Variants in RNLS observed in about 807,000 individuals in gnomAD.
RNLS encodes the protein renalase, FAD dependent amine oxidase.
RNLS carries 39 observed loss-of-function variants against 39.8 expected under a neutral mutation model. The ratio of observed to expected loss-of-function variants is 0.98; its 90% CI spans 0.76 to 1.28. The LOEUF is 1.28. RNLS is among the 50% of genes most tolerant of loss of function. The pLI, the probability that RNLS is intolerant of heterozygous loss-of-function variation, is 0.00. For synonymous variants in RNLS, 147 were observed against 150.7 expected (o/e 0.98, Z 0.18); for missense variants, 410 against 413.3 (o/e 0.99, Z 0.07).
chr10:88,246,766 A>G, the RNLS span, among the ~76,000 whole-genome samples: 1 of 152,140 alleles, frequency 6.6e-6, no homozygotes, highest in African/African-American at 2.4e-5. Flanking sequence ...AAATCAACGC[A>G]TTGGATAATT....
chr10:88,272,324 CTTTTTTCTGTTA>C (rs533372040), downstream of RNLS, among the ~76,000 whole-genome samples: 283 of 152,158 alleles, frequency 1.9e-3, 1 homozygote, highest in Middle Eastern at 3.4e-3. Flanking sequence ...TTTTCCTGTT[CTTTTTTCTGTTA>C]TTTTAATTTT....
intron 2 of RNLS, 36 bp from the exon 3 acceptor site, chr10:88,581,745 T>C: frequency 1.4e-6 from 2 of 1,397,310 alleles, no homozygotes; most frequent in Middle Eastern, 3.7e-4. Flanking sequence ...AATGTAATTA[T>C]ATACCATGAA....
chr10:88,456,310 T>TTA (rs1842624363), intron 4 of RNLS, among the ~76,000 whole-genome samples: 1 of 151,220 alleles, frequency 6.6e-6, no homozygotes, highest in Non-Finnish European at 1.5e-5. Flanking sequence ...TTCCTTAATT[T>TTA]TATATATATG....
At chr10:88,216,439 G>C in the RNLS span, among the ~76,000 whole-genome samples, 1 of 152,140 alleles carries the variant, frequency 6.6e-6, no homozygotes, top group African/African-American at 2.4e-5. Flanking sequence ...TCTAGAAGGT[G>C]CTCCTTTTAA....
intron 4 of RNLS, among the ~76,000 whole-genome samples, chr10:88,372,869 G>A (rs546568075): frequency 2.0e-5 from 3 of 152,214 alleles, no homozygotes; most frequent in East Asian, 3.9e-4. Context: ...AATATGGTTG[G>A]AAAATGCTTT....
At chr10:88,468,976 A>G (rs190656642) in intron 4 of RNLS, among the ~76,000 whole-genome samples, 83 of 152,318 alleles carry the variant, frequency 5.4e-4, no homozygotes, top group Non-Finnish European at 1.6e-4. Context: ...ATACAGTTCT[A>G]AAAGCTCATG....
At chr10:88,448,800 C>A (rs1387345098) in intron 4 of RNLS, among the ~76,000 whole-genome samples, 8 of 152,202 alleles carry the variant, frequency 5.3e-5, no homozygotes, top group South Asian at 2.1e-4. Context: ...CACATATACA[C>A]CATGCAATTC....
chr10:88,579,554 C>A (rs536347211), intron 3 of RNLS, among the ~76,000 whole-genome samples: 94 of 152,276 alleles, frequency 6.2e-4, no homozygotes, highest in Non-Finnish European at 1.1e-3. Context: ...TTTGGGATAT[C>A]ATTTTCTAAG....
chr10:88,172,887 C>T, the RNLS span, among the ~76,000 whole-genome samples: 781 of 66,032 alleles, frequency 0.012, 9 homozygotes, highest in African/African-American at 0.041. Flanking sequence ...GATGGAGTCT[C>T]GCTCTGTCGC....
intron 4 of RNLS, among the ~76,000 whole-genome samples, chr10:88,452,345 T>C (rs1308290906): frequency 3.9e-5 from 6 of 152,182 alleles, no homozygotes; most frequent in Non-Finnish European, 8.8e-5. Context: ...AAGGTACACA[T>C]AAATGGGATC....
intron 4 of RNLS, among the ~76,000 whole-genome samples, chr10:88,544,765 A>T (rs886877611): frequency 6.6e-6 from 1 of 152,190 alleles, no homozygotes; most frequent in African/African-American, 2.4e-5. Context: ...TCAATTCCTT[A>T]AATGTATTTA....
At chr10:88,287,783 T>C (rs1289971004) in intron 6 of RNLS, among the ~76,000 whole-genome samples, 1 of 152,012 alleles carries the variant, frequency 6.6e-6, no homozygotes, top group Non-Finnish European at 1.5e-5. Flanking sequence ...TCAGATCTCA[T>C]GAAAACTCAC....
At chr10:88,199,406 A>G in the RNLS span, among the ~76,000 whole-genome samples, 1 of 152,150 alleles carries the variant, frequency 6.6e-6, no homozygotes, top group South Asian at 2.1e-4. Context: ...GTCTGTCCCA[A>G]GCACTGTAGG....
At chr10:88,366,662 T>TAAA (rs1564735782) in intron 4 of RNLS, among the ~76,000 whole-genome samples, 1 of 32,246 alleles carries the variant, frequency 3.1e-5, no homozygotes, top group African/African-American at 1.8e-4. Context: ...GTAAGTTTTC[T>TAAA]GAAAAAAAAA....
chr10:88,217,546 T>G, the RNLS span, among the ~76,000 whole-genome samples: 1 of 151,946 alleles, frequency 6.6e-6, no homozygotes, highest in Admixed American at 6.6e-5. Context: ...TACACATTAC[T>G]AGGTAATAGA....
the RNLS span, among the ~76,000 whole-genome samples, chr10:88,200,764 C>T: frequency 1.3e-5 from 2 of 152,196 alleles, no homozygotes; most frequent in Non-Finnish European, 2.9e-5. Context: ...GCTGCACCCA[C>T]AGCAACAAAG....
At chr10:88,558,559 T>C (rs571017208) in intron 4 of RNLS, among the ~76,000 whole-genome samples, 1 of 152,170 alleles carries the variant, frequency 6.6e-6, no homozygotes, top group East Asian at 1.9e-4. Flanking sequence ...ATAACTGCAA[T>C]AACAGAAGTG....
intron 4 of RNLS, among the ~76,000 whole-genome samples, chr10:88,411,194 C>G (rs1853633097): frequency 1.3e-5 from 2 of 152,116 alleles, no homozygotes; most frequent in African/African-American, 4.8e-5. Context: ...CATTTGATTA[C>G]ATTGAGATTA....
chr10:88,575,204 A>G (rs369672109), intron 3 of RNLS, among the ~76,000 whole-genome samples: 40 of 33,030 alleles, frequency 1.2e-3, no homozygotes, highest in South Asian at 5.0e-3. Context: ...TACTATATAT[A>G]TATGTGTGTG....
Sources: allele counts gnomAD v4.1 joint callset (sites outside exome capture counted in the v4.1 genomes callset), GRCh38; gene constraint gnomAD v4.1.1; transcripts MANE v1.5; gene names NCBI Gene and HGNC (gene_info 2026-07-23, HGNC 2026-07-21).